The following NFE2L2 variants were observed in gnomAD, a reference collection of about 807,000 sequenced individuals.
The protein encoded by NFE2L2 is NFE2 like bZIP transcription factor 2.
In NFE2L2, 20 loss-of-function variants were observed where a neutral mutation model predicts 49.6. That is an observed-to-expected ratio of 0.40 (90% confidence interval 0.28 to 0.59). NFE2L2 has a LOEUF of 0.59. NFE2L2 is among the 20% of genes least tolerant of loss of function. The probability of loss-of-function intolerance (pLI) is 0.40; values close to 1 mark genes in which losing one functional copy is unlikely to be tolerated. For missense variants in NFE2L2, 578 were observed against 714.2 expected, an observed-to-expected ratio of 0.81 and a Z score of 2.17; for synonymous variants, 244 against 256.5, an observed-to-expected ratio of 0.95 and a Z score of 0.47.
At chr2:177,252,186 G>A (rs1463466268) in intron 1 of NFE2L2, among the ~76,000 whole-genome samples, 1 of 152,094 alleles carries the variant, frequency 6.6e-6, no homozygotes, top group African/African-American at 2.4e-5. Context: ...ACCCTATTGT[G>A]AAATCTAATG....
At chr2:177,249,914 G>A (rs1374871683) in intron 1 of NFE2L2, among the ~76,000 whole-genome samples, 1 of 152,214 alleles carries the variant, frequency 6.6e-6, no homozygotes, top group African/African-American at 2.4e-5. Flanking sequence ...ATGAGGGACA[G>A]TGCAGTATAA....
At chr2:177,250,676 A>G (rs1052321738) in intron 1 of NFE2L2, among the ~76,000 whole-genome samples, 18 of 152,262 alleles carry the variant, frequency 1.2e-4, no homozygotes, top group African/African-American at 3.9e-4. Flanking sequence ...AAATGGTGAC[A>G]GTGAGATCCA....
At chr2:177,251,058 C>T (rs1005322597) in intron 1 of NFE2L2, among the ~76,000 whole-genome samples, 2 of 152,122 alleles carry the variant, frequency 1.3e-5, no homozygotes, top group African/African-American at 4.8e-5. Context: ...TGGGTCTAAC[C>T]AGTAAATAAA....
intron 1 of NFE2L2, among the ~76,000 whole-genome samples, chr2:177,249,054 A>G (rs1690239095): frequency 6.6e-6 from 1 of 151,748 alleles, no homozygotes; most frequent in African/African-American, 2.4e-5. Flanking sequence ...CAGTCTCTAC[A>G]AAAGAGAAAA....
At chr2:177,243,352 A>T (rs1574268675) in intron 1 of NFE2L2, among the ~76,000 whole-genome samples, 1 of 152,296 alleles carries the variant, frequency 6.6e-6, no homozygotes, top group African/African-American at 2.4e-5. Context: ...CCTCCAAGGA[A>T]GTCCCCCATG....
chr2:177,243,360 A>AT (rs1316779948), intron 1 of NFE2L2, among the ~76,000 whole-genome samples: 1 of 152,194 alleles, frequency 6.6e-6, no homozygotes, highest in African/African-American at 2.4e-5. Context: ...GAAGTCCCCC[A>AT]TGAGGGTGGG....
At chr2:177,241,202 G>A (rs560561607) in intron 1 of NFE2L2, among the ~76,000 whole-genome samples, 39 of 152,284 alleles carry the variant, frequency 2.6e-4, no homozygotes, top group African/African-American at 9.1e-4. Context: ...AAGTTGGAAT[G>A]TCTTAAGTTA....
intron 1 of NFE2L2, among the ~76,000 whole-genome samples, chr2:177,245,321 G>A (rs555977267): frequency 2.6e-5 from 4 of 151,926 alleles, no homozygotes; most frequent in Non-Finnish European, 5.9e-5. Flanking sequence ...AGGTCTAAAG[G>A]GTGAGATCAT....
At chr2:177,233,765 A>G in intron 2 of NFE2L2, 3 of 591,606 alleles carry the variant, frequency 5.1e-6, no homozygotes, top group Non-Finnish European at 5.9e-6. Context: ...ATACTTTACA[A>G]AACTCTTTGG....
chr2:177,260,459 A>G (rs1306146869), intron 1 of NFE2L2, among the ~76,000 whole-genome samples: 1 of 152,256 alleles, frequency 6.6e-6, no homozygotes, highest in Non-Finnish European at 1.5e-5. Flanking sequence ...AAAGTGTTTA[A>G]TTTTGAGATG....
chr2:177,240,667 A>G (rs1389677605), intron 1 of NFE2L2, among the ~76,000 whole-genome samples: 1 of 152,250 alleles, frequency 6.6e-6, no homozygotes, highest in Non-Finnish European at 1.5e-5. Context: ...TCTGTTACAC[A>G]TTTTAGGGAA....
At chr2:177,243,176 C>T (rs1689999508) in intron 1 of NFE2L2, among the ~76,000 whole-genome samples, 1 of 152,116 alleles carries the variant, frequency 6.6e-6, no homozygotes, top group South Asian at 2.1e-4. Flanking sequence ...ACACCCGACC[C>T]GACCCCTGCC....
intron 1 of NFE2L2, 84 bp from the exon 2 acceptor site, chr2:177,234,355 C>T (rs2105460172): frequency 6.9e-7 from 1 of 1,440,732 alleles, no homozygotes; most frequent in Non-Finnish European, 9.2e-7. Flanking sequence ...CATTATGCCA[C>T]TGTTGATGGT....
chr2:177,232,890 ATTG>A (rs1445319292), intron 3 of NFE2L2: 4 of 461,718 alleles, frequency 8.7e-6, no homozygotes, highest in Non-Finnish European at 1.1e-5. Flanking sequence ...ATTTATTAAA[ATTG>A]TTAACTGAAC....
chr2:177,256,462 A>G (rs1001107637), intron 1 of NFE2L2, among the ~76,000 whole-genome samples: 5 of 146,200 alleles, frequency 3.4e-5, no homozygotes, highest in African/African-American at 1.3e-4. Flanking sequence ...CAGACATTGA[A>G]GGTACTAATC....
At chr2:177,260,386 A>AGCACACTTAATTCAG (rs1690690411) in intron 1 of NFE2L2, among the ~76,000 whole-genome samples, 1 of 152,242 alleles carries the variant, frequency 6.6e-6, no homozygotes, top group Admixed American at 6.5e-5. Context: ...TAAGTCCTGC[A>AGCACACTTAATTCAG]GCACACTTAA....
At chr2:177,233,538 G>A in intron 2 of NFE2L2, 199 bp from the exon 3 acceptor site, 1 of 563,760 alleles carries the variant, frequency 1.8e-6, no homozygotes, top group Non-Finnish European at 3.1e-6. Context: ...TTTTCTGAGT[G>A]ATCTGGGCAA....
At chr2:177,253,602 T>C (rs963136357) in intron 1 of NFE2L2, among the ~76,000 whole-genome samples, 4 of 152,216 alleles carry the variant, frequency 2.6e-5, no homozygotes, top group African/African-American at 9.6e-5. Flanking sequence ...AATTCAGTAT[T>C]TTCATTGTCT....
chr2:177,256,780 C>T (rs1441549526), intron 1 of NFE2L2, among the ~76,000 whole-genome samples: 1 of 152,230 alleles, frequency 6.6e-6, no homozygotes, highest in East Asian at 1.9e-4. Context: ...AAAGACAAGA[C>T]TGGAATTGGG....
Sources: allele counts gnomAD v4.1 joint callset (sites outside exome capture counted in the v4.1 genomes callset), GRCh38; gene constraint gnomAD v4.1.1; transcripts MANE v1.5; gene names NCBI Gene and HGNC (gene_info 2026-07-23, HGNC 2026-07-21).